PBX1: variants seen among roughly 807,000 people sequenced by gnomAD.
The protein encoded by PBX1 is PBX homeobox 1, also known as pre-B-cell leukemia transcription factor 1.
PBX1 carries 6 observed loss-of-function variants against 53.4 expected under a neutral mutation model. The ratio of observed to expected loss-of-function variants is 0.11; its 90% CI spans 0.06 to 0.22. PBX1 has a LOEUF of 0.22. PBX1 is among the 10% of genes least tolerant of loss of function. The pLI, the probability that PBX1 is intolerant of heterozygous loss-of-function variation, is 1.00. For synonymous variants in PBX1, 204 were observed against 212.3 expected, an observed-to-expected ratio of 0.96 and a Z score of 0.34; for missense variants, 251 against 551.4, an observed-to-expected ratio of 0.46 and a Z score of 5.46.
At chr1:164,612,108 A>T (rs1213134884) in intron 2 of PBX1, among the ~76,000 whole-genome samples, 1 of 152,136 alleles carries the variant, frequency 6.6e-6, no homozygotes, top group African/African-American at 2.4e-5. Flanking sequence ...AGTATAATAT[A>T]TGGGCTCCTA....
At chr1:164,627,462 C>T (rs943612257) in intron 2 of PBX1, among the ~76,000 whole-genome samples, 1 of 152,096 alleles carries the variant, frequency 6.6e-6, no homozygotes, top group Non-Finnish European at 1.5e-5. Flanking sequence ...AGAGGTGCCT[C>T]CTGTTTTGGT....
At chr1:164,707,639 C>G (rs1182178738) in intron 2 of PBX1, among the ~76,000 whole-genome samples, 1 of 151,850 alleles carries the variant, frequency 6.6e-6, no homozygotes, top group Non-Finnish European at 1.5e-5. Context: ...TTAAGAGTCG[C>G]CAAGCCAAGA....
At position 164,559,250 on chromosome 1, in the gene PBX1, G is replaced by C. The variant is rs1281061004; in HGVS notation, c.-573G>C. 2 of 186,044 alleles carry C rather than the reference G, an allele frequency of 1.1e-5. No homozygotes were observed. Among genetic ancestry groups the C allele is most frequent in the Non-Finnish European group, 2.3e-5 (2 of 88,450 alleles). The allele number at this position is 186,044 out of a possible 1,614,324, so 11.5% of individuals were successfully genotyped here. ...AGACACGGAGGAGGAGAGAGCCTGT[G>C]CTTTGCCTGCCGCCGCGGCTGGGGG... On this transcript the variant is annotated 5_prime_UTR_variant, in exon 1 of 9. Coordinates refer to ENST00000420696, the MANE Select transcript of PBX1 (RefSeq NM_002585.4).
intron 2 of PBX1, among the ~76,000 whole-genome samples, chr1:164,788,757 C>T (rs558351383): frequency 7.3e-6 from 1 of 137,710 alleles, no homozygotes; most frequent in Non-Finnish European, 1.6e-5. Flanking sequence ...CGCCCTCCCC[C>T]CCCCGCCCTT....
At chr1:164,832,224 C>T (rs1280203366) in intron 8 of PBX1, among the ~76,000 whole-genome samples, 1 of 152,106 alleles carries the variant, frequency 6.6e-6, no homozygotes, top group African/African-American at 2.4e-5. Flanking sequence ...TTTATGTTGC[C>T]TGGTGATAAG....
chr1:164,748,028 T>A (rs2102185360), intron 2 of PBX1, among the ~76,000 whole-genome samples: 1 of 152,272 alleles, frequency 6.6e-6, no homozygotes, highest in East Asian at 1.9e-4. Context: ...TCCAAAATGA[T>A]CAAGTTTAGC....
chr1:164,755,174 C>T (rs182557460), intron 2 of PBX1, among the ~76,000 whole-genome samples: 58 of 152,230 alleles, frequency 3.8e-4, no homozygotes, highest in Admixed American at 3.7e-3. Context: ...CATCCTGCTA[C>T]ACTTGTGGGT....
At chr1:164,762,407 T>C (rs966682958) in intron 2 of PBX1, among the ~76,000 whole-genome samples, 5 of 152,214 alleles carry the variant, frequency 3.3e-5, no homozygotes, top group African/African-American at 1.2e-4. Flanking sequence ...TTAAATGTGA[T>C]CCTACCTACC....
chr1:164,653,562 C>G (rs980842484), intron 2 of PBX1, among the ~76,000 whole-genome samples: 3 of 152,030 alleles, frequency 2.0e-5, no homozygotes, highest in Non-Finnish European at 2.9e-5. Context: ...CACTTGAGGT[C>G]AGGAGTTCGA....
chr1:164,632,194 G>A (rs534849247), intron 2 of PBX1, among the ~76,000 whole-genome samples: 4 of 152,156 alleles, frequency 2.6e-5, no homozygotes, highest in Non-Finnish European at 5.9e-5. Context: ...TGAAACCACA[G>A]GACCTTGCCG....
chr1:164,877,327 T>A (rs1451362019), intron 2 of PBX1, among the ~76,000 whole-genome samples: 2 of 151,956 alleles, frequency 1.3e-5, no homozygotes, highest in Non-Finnish European at 2.9e-5. Context: ...TTCCTAATAA[T>A]GATTAAACCC....
Position 164,559,897 on chromosome 1 carries a change from C to T in PBX1, c.75C>T (p.His25=). The T allele has an allele frequency of 1.3e-6, 2 of 1,548,786 alleles. No homozygotes were observed. Among genetic ancestry groups the T allele is most frequent in the Non-Finnish European group, 1.7e-6 (2 of 1,145,650 alleles). The change falls in exon 1 of 9, where the codon CAC becomes CAT. Residue 25 remains histidine, a synonymous_variant. Coordinates refer to ENST00000420696, the MANE Select transcript of PBX1 (RefSeq NM_002585.4). ...CCGGACACCCCGGCCTGTCCCAGCA[C>T]TTGCAGGATGGGGCCGGAGGGACCG... The part of the protein sequence containing the change: ...GMAGHPGLSQ[H]LQDGAGGTEG...
intron 1 of PBX1, among the ~76,000 whole-genome samples, chr1:164,562,448 A>G (rs1349864281): frequency 9.4e-6 from 1 of 106,402 alleles, no homozygotes; most frequent in Non-Finnish European, 1.8e-5. Flanking sequence ...AAGTGCATTC[A>G]GAATACACAC....
intron 8 of PBX1, chr1:164,829,452 A>C (rs1670641864): frequency 6.6e-6 from 1 of 152,256 alleles, no homozygotes; most frequent in African/African-American, 2.4e-5. Flanking sequence ...CCAATAAGTT[A>C]GCCTTTAGCA....
At chr1:164,678,456 T>C (rs1892174) in intron 2 of PBX1, among the ~76,000 whole-genome samples, 137,471 of 152,204 alleles carry the variant, frequency 0.9, 62,200 homozygotes, top group East Asian at 0.99. Context: ...TGTGCTATTG[T>C]CCTCCATGTG....
At chr1:164,794,624 G>T (rs1668696314) in intron 3 of PBX1, among the ~76,000 whole-genome samples, 1 of 152,198 alleles carries the variant, frequency 6.6e-6, no homozygotes, top group Admixed American at 6.5e-5. Flanking sequence ...TGGCTGAACT[G>T]TGACAGTTTC....
rs138671792 is a variant in PBX1 at position 164,742,217 on chromosome 1, C to A, written c.266-50277C>A. ...AATGACAGGGTATCTGTATTACTTA[C>A]GGATTGGAAGGCCCATCATGTATTC... On this transcript the variant is annotated intron_variant, in intron 2 of 8. Transcript: ENST00000420696. 3.9e-4 allele frequency among the ~76,000 whole-genome samples: 59 copies of A among 151,946 alleles called. No homozygotes were observed. The East Asian group carries it at 5.5e-3, about 14-fold the overall frequency.
Position 164,847,852 on chromosome 1 carries a change from C to G in PBX1, c.*1176C>G. 1 of 1,055,418 alleles carries G rather than the reference C, an allele frequency of 9.5e-7. No individual in the cohort carries two copies. The highest frequency in any genetic ancestry group is 1.1e-6 in the Non-Finnish European group (1 of 873,088). 65.4% of individuals were successfully genotyped at this position (1,055,418 alleles called of 1,614,324 possible). On this transcript the variant is annotated 3_prime_UTR_variant, in exon 9 of 9. Transcript: ENST00000420696. ...CTTACCAGAATGGCATACACAGGACCTGATCATGAGGAAGACCAGGTTTCC... is the reference window on the plus strand; with the variant it reads ...CTTACCAGAATGGCATACACAGGACGTGATCATGAGGAAGACCAGGTTTCC...
chr1:164,696,516 G>A (rs758579076), intron 2 of PBX1, among the ~76,000 whole-genome samples: 10 of 152,118 alleles, frequency 6.6e-5, no homozygotes, highest in Non-Finnish European at 1.2e-4. Flanking sequence ...TTGCTGCATC[G>A]TATGCAAGTT....
Sources: gnomAD v4.1 joint callset for allele counts (sites outside exome capture counted in the v4.1 genomes callset) on GRCh38, gnomAD v4.1.1 for gene constraint, MANE v1.5 for transcripts, NCBI Gene and HGNC (gene_info 2026-07-23, HGNC 2026-07-21) for gene names.